SUGCT: variants seen among roughly 807,000 people sequenced by gnomAD.
The protein encoded by SUGCT is succinyl-CoA:glutarate-CoA transferase, also known as succinyl-CoA:glutarate CoA-transferase.
In SUGCT, 41 loss-of-function variants were observed where a neutral mutation model predicts 55.0. That is an observed-to-expected ratio of 0.74 (90% CI 0.58 to 0.97). The LOEUF is 0.97. Ranked by LOEUF, SUGCT falls within the 50% of genes least tolerant of loss-of-function variation. The pLI, the probability that SUGCT is intolerant of heterozygous loss-of-function variation, is 0.00. For synonymous variants in SUGCT, 187 were observed against 200.4 expected, an observed-to-expected ratio of 0.93 and a Z score of 0.56; for missense variants, 568 against 547.8, an observed-to-expected ratio of 1.04 and a Z score of -0.37.
At chr7:40,192,631 T>TGTC (rs1785979767) in intron 5 of SUGCT, among the ~76,000 whole-genome samples, 1 of 116,820 alleles carries the variant, frequency 8.6e-6, no homozygotes, top group South Asian at 2.7e-4. Context: ...TCTTTCTTTC[T>TGTC]TTTTTTTTTT....
the SUGCT span, among the ~76,000 whole-genome samples, chr7:41,026,245 C>G: frequency 1.3e-5 from 2 of 152,198 alleles, no homozygotes; most frequent in South Asian, 4.2e-4. Context: ...TCCTGGCAAC[C>G]ACCGAATGGT....
intron 6 of SUGCT, among the ~76,000 whole-genome samples, chr7:40,217,847 C>T (rs940395349): frequency 6.6e-6 from 1 of 152,208 alleles, no homozygotes; most frequent in Non-Finnish European, 1.5e-5. Context: ...GCTTGAAAAA[C>T]TGTCACTAGT....
In SUGCT at chr7:40,287,862, A is replaced by T. The variant is rs78867877; in HGVS notation, c.720+13206A>T. On this transcript the variant is annotated intron_variant, in intron 8 of 13. Coordinates refer to ENST00000335693, the MANE Select transcript of SUGCT (RefSeq NM_001193313.2). ...TGTTCCTAGTTTACTGACTGTTTTT[A>T]TCATGAAAGAGTGTTGAATTTTGGT... 3.9e-4 allele frequency among the ~76,000 whole-genome samples: 59 copies of T among 152,252 alleles called. No individual in the cohort carries two copies. In the East Asian group the frequency reaches 0.01, roughly 27 times the overall value.
intron 12 of SUGCT, among the ~76,000 whole-genome samples, chr7:40,683,376 C>T (rs950615900): frequency 6.6e-6 from 1 of 152,116 alleles, no homozygotes; most frequent in African/African-American, 2.4e-5. Context: ...TCAAGACCAC[C>T]CCCTTCCTTT....
chr7:40,929,493 C>G, the SUGCT span, among the ~76,000 whole-genome samples: 1 of 152,190 alleles, frequency 6.6e-6, no homozygotes, highest in East Asian at 1.9e-4. Flanking sequence ...CTTGAGGAAT[C>G]GCCTCACTGT....
At chr7:40,373,600 G>A (rs1023037035) in intron 9 of SUGCT, among the ~76,000 whole-genome samples, 3 of 151,934 alleles carry the variant, frequency 2.0e-5, no homozygotes, top group Admixed American at 2.0e-4. Context: ...AATGCTAAGT[G>A]TCTGTGGACT....
intron 12 of SUGCT, among the ~76,000 whole-genome samples, chr7:40,730,974 A>G (rs1280767309): frequency 2.0e-5 from 3 of 152,212 alleles, no homozygotes; most frequent in Non-Finnish European, 4.4e-5. Flanking sequence ...CAATGAATGG[A>G]CAAGTAATAG....
chr7:40,161,369 T>C (rs1784137639), intron 1 of SUGCT, among the ~76,000 whole-genome samples: 1 of 152,178 alleles, frequency 6.6e-6, no homozygotes, highest in African/African-American at 2.4e-5. Context: ...GGGCTCTCTC[T>C]ATATTTTTTT....
intron 3 of SUGCT, among the ~76,000 whole-genome samples, chr7:40,186,776 A>T (rs1785541775): frequency 6.6e-6 from 1 of 152,108 alleles, no homozygotes; most frequent in African/African-American, 2.4e-5. Flanking sequence ...CCACTAGGGG[A>T]CACGAGGCCA....
chr7:40,645,376 G>T (rs983186313), intron 12 of SUGCT, among the ~76,000 whole-genome samples: 1 of 152,094 alleles, frequency 6.6e-6, no homozygotes, highest in Non-Finnish European at 1.5e-5. Flanking sequence ...GTGTGGGAGG[G>T]CCCACCATGT....
chr7:40,718,852 A>C (rs546031320), intron 12 of SUGCT, among the ~76,000 whole-genome samples: 4 of 152,364 alleles, frequency 2.6e-5, no homozygotes, highest in African/African-American at 9.6e-5. Context: ...ATCAGATACT[A>C]TACAAATATT....
chr7:40,906,082 G>T, the SUGCT span, among the ~76,000 whole-genome samples: 1 of 151,442 alleles, frequency 6.6e-6, no homozygotes, highest in Admixed American at 6.6e-5. Context: ...TCATACTGTT[G>T]TGCAACCATC....
At chr7:40,629,798 A>C (rs1799703390) in intron 12 of SUGCT, among the ~76,000 whole-genome samples, 1 of 152,166 alleles carries the variant, frequency 6.6e-6, no homozygotes, top group South Asian at 2.1e-4. Context: ...CATATGGATA[A>C]ATTTTATATT....
intron 12 of SUGCT, among the ~76,000 whole-genome samples, chr7:40,600,435 A>G (rs1053484992): frequency 2.0e-5 from 3 of 152,230 alleles, no homozygotes; most frequent in African/African-American, 7.2e-5. Context: ...GCAGAATGTC[A>G]TCTAAGGTAT....
intron 12 of SUGCT, among the ~76,000 whole-genome samples, chr7:40,640,769 T>C (rs1800235573): frequency 6.6e-6 from 1 of 152,242 alleles, no homozygotes; most frequent in Non-Finnish European, 1.5e-5. Flanking sequence ...GTATATTTTA[T>C]AGTAGAATGC....
the SUGCT span, among the ~76,000 whole-genome samples, chr7:40,960,523 G>A: frequency 6.6e-6 from 1 of 152,126 alleles, no homozygotes; most frequent in Non-Finnish European, 1.5e-5. Flanking sequence ...CAATACATAA[G>A]CATTTCAGAT....
intron 8 of SUGCT, among the ~76,000 whole-genome samples, chr7:40,295,453 G>A (rs1584604106): frequency 6.6e-6 from 1 of 152,174 alleles, no homozygotes; most frequent in East Asian, 1.9e-4. Context: ...GCGCACGCCT[G>A]TAATCCTAGC....
At chr7:40,316,611 A>G in intron 8 of SUGCT, 149 bp from the exon 9 acceptor site, 1 of 535,782 alleles carries the variant, frequency 1.9e-6, no homozygotes. Flanking sequence ...TGATAAAAGT[A>G]CAATGCCTGT....
chr7:40,556,393 G>C (rs1795562955), intron 12 of SUGCT, among the ~76,000 whole-genome samples: 1 of 152,184 alleles, frequency 6.6e-6, no homozygotes, highest in African/African-American at 2.4e-5. Flanking sequence ...GCTGAGGCAG[G>C]CCCTTCAAAC....
Sources: gnomAD v4.1 joint callset for allele counts (sites outside exome capture counted in the v4.1 genomes callset) on GRCh38, gnomAD v4.1.1 for gene constraint, MANE v1.5 for transcripts, NCBI Gene and HGNC (gene_info 2026-07-23, HGNC 2026-07-21) for gene names.